RASA1: variants seen among roughly 807,000 people sequenced by gnomAD.
The protein encoded by RASA1 is RAS p21 protein activator 1.
A neutral mutation model predicts 132.2 loss-of-function variants in RASA1; 25 were observed. The ratio of observed to expected loss-of-function variants is 0.19; its 90% CI spans 0.14 to 0.26. RASA1 has a LOEUF of 0.26. RASA1 is among the 10% of genes least tolerant of loss of function. The pLI, the probability that RASA1 is intolerant of heterozygous loss-of-function variation, is 1.00. For missense variants in RASA1, 964 were observed against 1,299.2 expected, an observed-to-expected ratio of 0.74 and a Z score of 3.97; for synonymous variants, 477 against 449.9, an observed-to-expected ratio of 1.06 and a Z score of -0.76.
At chr5:87,309,951 T>G (rs1242320904) in intron 1 of RASA1, among the ~76,000 whole-genome samples, 1 of 152,086 alleles carries the variant, frequency 6.6e-6, no homozygotes, top group Non-Finnish European at 1.5e-5. Flanking sequence ...GATAAGATCC[T>G]TTTTTAGGAT....
At position 87,379,675 on chromosome 5, in the gene RASA1, C is replaced by T. The variant is rs74956809; in HGVS notation, c.2488-60C>T. The stretch of plus-strand genomic sequence containing the variant: ...GAAAACTATAACTACTTGTTTTCCT[C>T]TATTCATTTGCATTTGTCATTGCCA... On this transcript the variant is annotated intron_variant, in intron 18 of 24. Coordinates refer to ENST00000274376, the MANE Select transcript of RASA1 (RefSeq NM_002890.3). 1.4e-3 allele frequency: 2,196 copies of T among 1,590,172 alleles called. 33 individuals are homozygous for T. In the African/African-American group the frequency reaches 0.027, roughly 19 times the overall value.
intron 1 of RASA1, chr5:87,299,625 C>G (rs1347624832): frequency 6.6e-6 from 1 of 151,018 alleles, no homozygotes; most frequent in Non-Finnish European, 1.5e-5. Context: ...TAACATATCC[C>G]GCATCTCCCA....
At chr5:87,295,924 C>T (rs1755099745) in intron 1 of RASA1, among the ~76,000 whole-genome samples, 1 of 151,928 alleles carries the variant, frequency 6.6e-6, no homozygotes, top group East Asian at 1.9e-4. Flanking sequence ...TCAAGCAGTT[C>T]TCCTGCCTCA....
At position 87,341,424 on chromosome 5, in the gene RASA1, GACTTA is replaced by G. The variant is rs1023069695; in HGVS notation, c.1049+108_1049+112del. 28 of 666,368 alleles carry G rather than the reference GACTTA, an allele frequency of 4.2e-5. 1 individual carries two copies. In the African/African-American group the frequency reaches 4.8e-4, roughly 11 times the overall value. 41.3% of individuals were successfully genotyped at this position (666,368 alleles called of 1,614,324 possible). A position where few individuals can be genotyped will look rare whatever the true frequency, so the allele number is the denominator to read the frequency against. ...AAATTGTTTTTTAAGGTTTTGGACT[GACTTA>G]ACTTTTAAATTTGGCTTAGGGAACT... On this transcript the variant is annotated intron_variant, in intron 6 of 24. Coordinates refer to ENST00000274376, the MANE Select transcript of RASA1 (RefSeq NM_002890.3).
intron 24 of RASA1, 47 bp downstream of exon 24, chr5:87,389,574 A>G: frequency 6.2e-6 from 10 of 1,603,094 alleles, no homozygotes; most frequent in Non-Finnish European, 7.7e-6. Flanking sequence ...CAAAGATAAC[A>G]CTTAGAGAGT....
At chr5:87,285,140 T>G (rs1024755944) in intron 1 of RASA1, among the ~76,000 whole-genome samples, 4 of 151,402 alleles carry the variant, frequency 2.6e-5, no homozygotes, top group African/African-American at 9.7e-5. Flanking sequence ...TGATCTCGGC[T>G]CACTGCAACC....
At chr5:87,360,280 C>A (rs1045181522) in intron 9 of RASA1, among the ~76,000 whole-genome samples, 1 of 152,092 alleles carries the variant, frequency 6.6e-6, no homozygotes. Flanking sequence ...GCACGCGCCA[C>A]CACGCCCAGC....
chr5:87,320,477 C>T (rs1756703754), intron 1 of RASA1, among the ~76,000 whole-genome samples: 1 of 152,124 alleles, frequency 6.6e-6, no homozygotes, highest in Admixed American at 6.5e-5. Context: ...CTGGAGAGGC[C>T]TCAGAAGACT....
chr5:87,349,410 T>C (rs772069216), intron 8 of RASA1, 46 bp downstream of exon 8: 3 of 1,591,788 alleles, frequency 1.9e-6, no homozygotes, highest in African/African-American at 1.3e-5. Context: ...GCAAAAATAG[T>C]TGAAATCTTG....
At chr5:87,275,114 C>T (rs1038465318) in intron 1 of RASA1, among the ~76,000 whole-genome samples, 5 of 152,184 alleles carry the variant, frequency 3.3e-5, no homozygotes, top group African/African-American at 1.2e-4. Flanking sequence ...TTTCTGGTTG[C>T]TTTACTTCTC....
At chr5:87,323,242 TAGG>T (rs1188014058) in intron 1 of RASA1, among the ~76,000 whole-genome samples, 1 of 152,122 alleles carries the variant, frequency 6.6e-6, no homozygotes, top group African/African-American at 2.4e-5. Flanking sequence ...AAAAGTTAAA[TAGG>T]AGAAACACTT....
chr5:87,363,123 T>TA (rs1760241386), intron 10 of RASA1, among the ~76,000 whole-genome samples: 1 of 151,932 alleles, frequency 6.6e-6, no homozygotes. Context: ...AAGATATAGT[T>TA]AAGGTATTCT....
At chr5:87,273,433 C>T (rs1180200989) in intron 1 of RASA1, among the ~76,000 whole-genome samples, 1 of 152,032 alleles carries the variant, frequency 6.6e-6, no homozygotes, top group Non-Finnish European at 1.5e-5. Context: ...AGAAGTTTGT[C>T]ACTAGTACTC....
At chr5:87,376,658 A>G in intron 16 of RASA1, 93 bp downstream of exon 16, 1 of 1,446,170 alleles carries the variant, frequency 6.9e-7, no homozygotes, top group Non-Finnish European at 9.6e-7. Context: ...ATAGTAATTC[A>G]TAGCTTAGTA....
Position 87,351,022 on chromosome 5 carries a change from A to G in RASA1, c.1253+1658A>G, listed in dbSNP as rs151095134. ...GTTTATTGTTAGATCTAAATGTATA[A>G]AGAAAGATTTTTCAATAAATCTGTC... On this transcript the variant is annotated intron_variant, in intron 8 of 24. Coordinates refer to ENST00000274376, the MANE Select transcript of RASA1 (RefSeq NM_002890.3). Among the ~76,000 whole-genome samples, 22 of 151,802 alleles carry G rather than the reference A, an allele frequency of 1.4e-4. No individual in the cohort carries two copies. The East Asian group carries it at 4.2e-3, about 29-fold the overall frequency.
At chr5:87,345,929 G>T (rs376465650) in intron 6 of RASA1, among the ~76,000 whole-genome samples, 3 of 152,170 alleles carry the variant, frequency 2.0e-5, no homozygotes, top group South Asian at 2.1e-4. Context: ...TAAATAAGAG[G>T]TGATTTTATG....
Position 87,290,549 on chromosome 5 carries a change from A to G in RASA1, c.539+21559A>G, listed in dbSNP as rs80348977. Among the ~76,000 whole-genome samples the G allele has an allele frequency of 3.9e-5, 6 of 152,310 alleles. No homozygotes were observed. The East Asian group carries it at 5.8e-4, about 15-fold the overall frequency. ...GTTTATTCTTGGCATTGTACATTCT[A>G]TAGGTTTTCACAAATGTTTAATGAC... is the stretch of plus-strand genomic sequence containing the variant. On this transcript the variant is annotated intron_variant, in intron 1 of 24. Coordinates refer to ENST00000274376, the MANE Select transcript of RASA1 (RefSeq NM_002890.3).
intron 1 of RASA1, among the ~76,000 whole-genome samples, chr5:87,320,009 C>T (rs1048700028): frequency 1.3e-5 from 2 of 152,130 alleles, no homozygotes; most frequent in Non-Finnish European, 2.9e-5. Flanking sequence ...CTGCCAGGTA[C>T]CCTAAATCAT....
intron 1 of RASA1, among the ~76,000 whole-genome samples, chr5:87,284,327 GC>G (rs1450564298): frequency 6.6e-6 from 1 of 152,208 alleles, no homozygotes; most frequent in Non-Finnish European, 1.5e-5. Context: ...ACTATAGGTT[GC>G]TTTCTCTCTC....
Sources: allele counts gnomAD v4.1 joint callset (sites outside exome capture counted in the v4.1 genomes callset), GRCh38; gene constraint gnomAD v4.1.1; transcripts MANE v1.5; gene names NCBI Gene and HGNC (gene_info 2026-07-23, HGNC 2026-07-21).